ZFYVE9: variants seen among roughly 807,000 people sequenced by gnomAD.
ZFYVE9 encodes the protein zinc finger FYVE domain-containing protein 9.
A neutral mutation model predicts 126.7 loss-of-function variants in ZFYVE9; 43 were observed. The ratio of observed to expected loss-of-function variants is 0.34; its 90% CI spans 0.27 to 0.44. The LOEUF (loss-of-function observed/expected upper bound fraction) is 0.44, where lower values mean the gene tolerates loss of function less well. Ranked by LOEUF, ZFYVE9 falls within the 20% of genes least tolerant of loss-of-function variation. The pLI, the probability that ZFYVE9 is intolerant of heterozygous loss-of-function variation, is 1.00. For missense variants in ZFYVE9, 1,476 were observed against 1,697.0 expected (o/e 0.87, Z 2.29); for synonymous variants, 521 against 597.4 (o/e 0.87, Z 1.87).
rs1371299101 is a variant in ZFYVE9 at position 52,238,874 on chromosome 1, C to T, written c.1457C>T (p.Pro486Leu). ...NGCDSYGMQD[P>L]GVSFVPKTLP... ...TGTGATTCCTATGGAATGCAAGACC[C>T]AGGTGTTTCTTTTGTTCCAAAGACT... The change falls in exon 4 of 19, where the codon CCA becomes CTA. Residue 486 changes from proline to leucine, a missense_variant. Physicochemically the swap from Pro to Leu is moderately conservative, Grantham distance 98. Coordinates refer to ENST00000287727, the MANE Select transcript of ZFYVE9 (RefSeq NM_004799.4). 6.2e-7 allele frequency: 1 copy of T among 1,614,014 alleles called. No individual in the cohort carries two copies. Among genetic ancestry groups the T allele is most frequent in the Non-Finnish European group, 8.5e-7 (1 of 1,179,972 alleles).
chr1:52,238,842 T>C lies in ZFYVE9; in HGVS notation c.1425T>C (p.Ser475=). ...VIDTPAANYL[S]NGCDSYGMQD... The stretch of plus-strand genomic sequence containing the variant: ...ACACACCAGCAGCAAATTATCTATC[T>C]AATGGTTGTGATTCCTATGGAATGC... The change falls in exon 4 of 19, where the codon TCT becomes TCC. Residue 475 remains serine (S), a synonymous_variant. Coordinates refer to ENST00000287727, the MANE Select transcript of ZFYVE9 (RefSeq NM_004799.4). 6.2e-7 allele frequency: 1 copy of C among 1,614,138 alleles called. No homozygotes were observed. The highest frequency in any genetic ancestry group is 1.1e-5 in the South Asian group (1 of 91,088).
intron 12 of ZFYVE9, among the ~76,000 whole-genome samples, chr1:52,298,871 G>T (rs574693757): frequency 3.4e-5 from 5 of 147,264 alleles, no homozygotes; most frequent in African/African-American, 1.3e-4. Flanking sequence ...GTGCAGTGGC[G>T]CAATTTCGGC....
chr1:52,160,305 G>A lies in ZFYVE9; in HGVS notation c.-143+17902G>A, dbSNP rs145060740. On this transcript the variant is annotated intron_variant, in intron 1 of 18. Transcript: ENST00000287727. Reference sequence around the variant, plus strand: ...CGAATGCTCTTTCCAGAATGCATCAGTTCAAAGGCTTTGTTGATTTCCTCA... The same window carrying A: ...CGAATGCTCTTTCCAGAATGCATCAATTCAAAGGCTTTGTTGATTTCCTCA... The A allele has an allele frequency of 2.8e-3, 2,916 of 1,058,860 alleles. 20 individuals are homozygous for A. Among genetic ancestry groups the A allele is most frequent in the Non-Finnish European group, 2.0e-3 (1,337 of 672,650 alleles). The allele number at this position is 1,058,860 out of a possible 1,614,324, so 65.6% of individuals were successfully genotyped here.
At chr1:52,280,400 T>C (rs762684306) in intron 9 of ZFYVE9, among the ~76,000 whole-genome samples, 3 of 151,532 alleles carry the variant, frequency 2.0e-5, no homozygotes, top group Non-Finnish European at 4.4e-5. Context: ...AAAAATTAGC[T>C]AACCTAGATT....
chr1:52,276,116 C>T (rs1425616877), intron 8 of ZFYVE9, among the ~76,000 whole-genome samples: 1 of 152,012 alleles, frequency 6.6e-6, no homozygotes, highest in Non-Finnish European at 1.5e-5. Context: ...CTATGTTGAC[C>T]AGGCTGGTCT....
intron 1 of ZFYVE9, among the ~76,000 whole-genome samples, chr1:52,165,248 G>T (rs1440251093): frequency 6.6e-6 from 1 of 151,962 alleles, no homozygotes; most frequent in Non-Finnish European, 1.5e-5. Context: ...AATACTGAAA[G>T]AATTTTTATT....
intron 5 of ZFYVE9, among the ~76,000 whole-genome samples, chr1:52,265,581 A>G (rs1437618388): frequency 6.6e-6 from 1 of 152,234 alleles, no homozygotes; most frequent in African/African-American, 2.4e-5. Flanking sequence ...TAGGGTACAC[A>G]GAATCTTAAT....
intron 12 of ZFYVE9, among the ~76,000 whole-genome samples, chr1:52,300,855 G>GTTTT (rs1243119170): frequency 1.4e-5 from 2 of 147,406 alleles, no homozygotes; most frequent in Non-Finnish European, 3.0e-5. Flanking sequence ...TGTTGTTTAG[G>GTTTT]TTTTTTGGTT....
intron 1 of ZFYVE9, among the ~76,000 whole-genome samples, chr1:52,155,529 C>T (rs535264633): frequency 1.7e-4 from 26 of 152,294 alleles, no homozygotes; most frequent in Admixed American, 1.0e-3. Context: ...CCACCACGCC[C>T]GGCCACAGGA....
intron 2 of ZFYVE9, among the ~76,000 whole-genome samples, chr1:52,219,749 T>TGTGTGTGTGTGTG (rs1431955734): frequency 1.4e-4 from 16 of 113,342 alleles, no homozygotes; most frequent in African/African-American, 5.5e-4. Context: ...CCAAGATCTT[T>TGTGTGTGTGTGTG]TGTGTGTGTG....
intron 1 of ZFYVE9, among the ~76,000 whole-genome samples, chr1:52,185,043 G>T (rs962131764): frequency 6.6e-6 from 1 of 152,146 alleles, no homozygotes; most frequent in Non-Finnish European, 1.5e-5. Flanking sequence ...GTCTGATGAC[G>T]TACAACATTT....
intron 10 of ZFYVE9, among the ~76,000 whole-genome samples, chr1:52,291,705 A>G (rs996806928): frequency 6.6e-6 from 1 of 151,340 alleles, no homozygotes; most frequent in Admixed American, 6.6e-5. Context: ...TGGTAAAACC[A>G]CATCTCTACT....
At chr1:52,330,475 T>C (rs1356004748) in intron 13 of ZFYVE9, among the ~76,000 whole-genome samples, 1 of 152,186 alleles carries the variant, frequency 6.6e-6, no homozygotes, top group Non-Finnish European at 1.5e-5. Context: ...CAAAGGGTTT[T>C]CTGGGAAAGG....
Position 52,181,273 on chromosome 1 carries a change from C to T in ZFYVE9, c.-142-35096C>T, listed in dbSNP as rs554624408. Among the ~76,000 whole-genome samples the T allele has an allele frequency of 7.1e-4, 108 of 152,340 alleles. 1 individual carries two copies. The highest frequency in any genetic ancestry group is 1.2e-3 in the Non-Finnish European group (84 of 68,028). ...GGTTTTCGTATTTTTTTGGTGGAGA[C>T]GGGGTTTCGCTGGGTTGGCCGGGCT... is the stretch of plus-strand genomic sequence containing the variant. On this transcript the variant is annotated intron_variant, in intron 1 of 18. Coordinates refer to ENST00000287727, the MANE Select transcript of ZFYVE9 (RefSeq NM_004799.4).
rs758472911 is a variant in ZFYVE9 at position 52,337,791 on chromosome 1, T to C, written c.3690T>C (p.Ile1230=). The C allele has an allele frequency of 6.2e-7, 1 of 1,614,222 alleles. No individual in the cohort carries two copies. Among genetic ancestry groups the C allele is most frequent in the Admixed American group, 1.7e-5 (1 of 60,026 alleles). Reference sequence around the variant, plus strand: ...TCTTAGATGGTGTTATGGTCCAGATTACTGCAGAGAACATGGATTCCTTGA... The same window carrying C: ...TCTTAGATGGTGTTATGGTCCAGATCACTGCAGAGAACATGGATTCCTTGA... The part of the protein sequence containing the change: ...SIVEDGVMVQ[I]TAENMDSLRQ... Residue 1230 remains isoleucine, a synonymous_variant, in exon 16 of 19, where the codon ATT becomes ATC. Coordinates refer to ENST00000287727, the MANE Select transcript of ZFYVE9 (RefSeq NM_004799.4).
intron 4 of ZFYVE9, chr1:52,251,959 G>A (rs1249574450): frequency 6.6e-6 from 1 of 151,632 alleles, no homozygotes; most frequent in Non-Finnish European, 1.5e-5. Context: ...ATCTAGGTAA[G>A]TCACATTTTT....
intron 13 of ZFYVE9, among the ~76,000 whole-genome samples, chr1:52,313,012 A>C (rs972556049): frequency 6.6e-6 from 1 of 152,212 alleles, no homozygotes; most frequent in Admixed American, 6.5e-5. Flanking sequence ...ACAGACACAC[A>C]TATAGGGAAG....
intron 7 of ZFYVE9, among the ~76,000 whole-genome samples, chr1:52,269,915 A>G (rs1402363496): frequency 6.6e-6 from 1 of 152,000 alleles, no homozygotes; most frequent in Non-Finnish European, 1.5e-5. Context: ...AGCCTCCCAA[A>G]TAGCTGGGAC....
At chr1:52,259,625 TAAAAAAA>T (rs541679465) in intron 4 of ZFYVE9, among the ~76,000 whole-genome samples, 2 of 84,170 alleles carry the variant, frequency 2.4e-5, no homozygotes, top group Non-Finnish European at 2.4e-5. Context: ...CTGTCTCTAC[TAAAAAAA>T]AAAAAAAAAA....
Sources: allele counts gnomAD v4.1 joint callset (sites outside exome capture counted in the v4.1 genomes callset), GRCh38; gene constraint gnomAD v4.1.1; transcripts MANE v1.5; gene names NCBI Gene and HGNC (gene_info 2026-07-23, HGNC 2026-07-21).